Variants in DRICH1 observed in about 807,000 individuals in gnomAD.
DRICH1 encodes aspartate rich 1.
Under a neutral mutation model 39.5 loss-of-function variants are expected in DRICH1, and 38 were observed. The ratio of observed to expected loss-of-function variants is 0.96; its 90% CI spans 0.74 to 1.26. The LOEUF (loss-of-function observed/expected upper bound fraction) is 1.26, where lower values mean the gene tolerates loss of function less well. Ranked by LOEUF, DRICH1 falls within the 50% of genes most tolerant of loss-of-function variation. The pLI, the probability that DRICH1 is intolerant of heterozygous loss-of-function variation, is 0.00. For synonymous variants in DRICH1, 84 were observed against 99.5 expected (o/e 0.84, Z 0.93); for missense variants, 279 against 270.4 (o/e 1.03, Z -0.22).
chr22:23,628,556 T>G (rs1328993291), intron 1 of DRICH1, among the ~76,000 whole-genome samples: 1 of 151,982 alleles, frequency 6.6e-6, no homozygotes, highest in Non-Finnish European at 1.5e-5. Context: ...GGCAACAGAG[T>G]GAGACTCCAC....
chr22:23,603,094 C>T, the DRICH1 span, among the ~76,000 whole-genome samples: 1 of 151,506 alleles, frequency 6.6e-6, no homozygotes, highest in African/African-American at 2.4e-5. Flanking sequence ...CAACCTCCGC[C>T]TCCCAGGTTC....
rs559643993 is a variant in DRICH1, at chr22:23,617,905, A to G, written c.437-248T>C. ...GAACTAAAGCACACACTAAGGGTCA[A>G]TGGAAGAGTGCCTTCCTCCCTCTCA... On this transcript the variant is annotated intron_variant, in intron 6 of 11. Coordinates refer to ENST00000317749, the MANE Select transcript of DRICH1 (RefSeq NM_016449.4). 2.0e-5 allele frequency among the ~76,000 whole-genome samples: 3 copies of G among 152,318 alleles called. No homozygotes were observed. The East Asian group carries it at 5.8e-4, about 29-fold the overall frequency.
chr22:23,583,163 T>C, the DRICH1 span: 1 of 152,240 alleles, frequency 6.6e-6, no homozygotes, highest in Non-Finnish European at 1.5e-5. Flanking sequence ...TGGATAACGA[T>C]GGAAGATCTA....
chr22:23,585,174 G>C, the DRICH1 span, among the ~76,000 whole-genome samples: 1 of 151,308 alleles, frequency 6.6e-6, no homozygotes, highest in Admixed American at 6.6e-5. Context: ...GTCTTGCTGT[G>C]TCAGCCAAGC....
At chr22:23,610,892 A>T (rs1353799706) in intron 11 of DRICH1, among the ~76,000 whole-genome samples, 23 of 139,442 alleles carry the variant, frequency 1.6e-4, no homozygotes, top group Admixed American at 6.5e-4. Flanking sequence ...GATGGGCAAA[A>T]TTTTTTTTTT....
intron 1 of DRICH1, among the ~76,000 whole-genome samples, chr22:23,629,102 G>C (rs982087253): frequency 6.6e-6 from 1 of 152,086 alleles, no homozygotes; most frequent in Non-Finnish European, 1.5e-5. Flanking sequence ...GCAATGGCTC[G>C]ATCTCAGCTC....
chr22:23,621,086 G>C (rs1927699012), intron 4 of DRICH1, among the ~76,000 whole-genome samples: 1 of 152,120 alleles, frequency 6.6e-6, no homozygotes, highest in Non-Finnish European at 1.5e-5. Context: ...ATCAGGTGAA[G>C]GAAATAATGT....
At chr22:23,619,267 A>C in intron 6 of DRICH1, 97 bp downstream of exon 6, 1 of 731,896 alleles carries the variant, frequency 1.4e-6, no homozygotes, top group Non-Finnish European at 2.6e-6. Context: ...CTAAAAGTAA[A>C]AAACATACAA....
the DRICH1 span, among the ~76,000 whole-genome samples, chr22:23,594,772 G>C: frequency 3.3e-5 from 5 of 150,628 alleles, no homozygotes; most frequent in South Asian, 1.0e-3. Flanking sequence ...CAGAGGCTTC[G>C]TTCATCTCCA....
chr22:23,606,605 T>C (rs142620643), downstream of DRICH1, among the ~76,000 whole-genome samples: 394 of 152,226 alleles, frequency 2.6e-3, 2 homozygotes, highest in Non-Finnish European at 3.1e-3. Context: ...CTTTGAAATA[T>C]TTGGGGTGGG....
chr22:23,622,241 T>C lies in DRICH1; in HGVS notation c.299-65A>G, dbSNP rs7285987. 1.2e-5 allele frequency: 18 copies of C among 1,448,024 alleles called. No homozygotes were observed. In the African/African-American group the frequency reaches 2.0e-4, roughly 16 times the overall value. The allele number at this position is 1,448,024 out of a possible 1,614,324, so 89.7% of individuals were successfully genotyped here. ...TGTGACTGTGAGTCACTCAGGGAGC[T>C]TTGCTGGATGTGGTGTATGGAGGTG... is the stretch of plus-strand genomic sequence containing the variant. On this transcript the variant is annotated intron_variant, in intron 3 of 11. Transcript: ENST00000317749.
chr22:23,585,395 C>T, the DRICH1 span, among the ~76,000 whole-genome samples: 1 of 152,238 alleles, frequency 6.6e-6, no homozygotes, highest in Non-Finnish European at 1.5e-5. Context: ...ACTTGGCCTC[C>T]TGAAGTGCTG....
intron 1 of DRICH1, among the ~76,000 whole-genome samples, chr22:23,630,283 G>C (rs1928314507): frequency 6.6e-6 from 1 of 152,162 alleles, no homozygotes; most frequent in African/African-American, 2.4e-5. Flanking sequence ...TCCCTGGTGT[G>C]GGGTCATATA....
chr22:23,624,822 T>G, intron 3 of DRICH1, 61 bp downstream of exon 3: 27 of 1,537,792 alleles, frequency 1.8e-5, no homozygotes, highest in Middle Eastern at 1.7e-4. Flanking sequence ...AGATTAAGGT[T>G]TCTATATATT....
At chr22:23,602,994 T>A in the DRICH1 span, among the ~76,000 whole-genome samples, 1 of 150,836 alleles carries the variant, frequency 6.6e-6, no homozygotes, top group South Asian at 2.1e-4. Flanking sequence ...TTTCCCTCCA[T>A]GAACACATTT....
intron 11 of DRICH1, among the ~76,000 whole-genome samples, chr22:23,611,477 C>T (rs113206937): frequency 0.019 from 2,909 of 151,238 alleles, 81 homozygotes; most frequent in African/African-American, 0.068. Flanking sequence ...CTGCAAACTC[C>T]GCCTCCCAGG....
intron 4 of DRICH1, 114 bp from the exon 5 acceptor site, chr22:23,620,729 G>A: frequency 7.9e-7 from 1 of 1,261,814 alleles, no homozygotes; most frequent in Non-Finnish European, 1.2e-6. Context: ...AACTGTTGTT[G>A]AGTCAAGGTC....
chr22:23,615,027 GA>G (rs942545536), intron 8 of DRICH1, among the ~76,000 whole-genome samples: 4 of 152,076 alleles, frequency 2.6e-5, no homozygotes, highest in African/African-American at 7.2e-5. Context: ...ACAAATTCAT[GA>G]AAAAAAGTCC....
At chr22:23,593,521 C>T in the DRICH1 span, among the ~76,000 whole-genome samples, 1 of 152,266 alleles carries the variant, frequency 6.6e-6, no homozygotes, top group East Asian at 1.9e-4. Flanking sequence ...AAAAATTAGG[C>T]CAGGCACAGT....
Sources: allele counts gnomAD v4.1 joint callset (sites outside exome capture counted in the v4.1 genomes callset), GRCh38; gene constraint gnomAD v4.1.1; transcripts MANE v1.5; gene names NCBI Gene and HGNC (gene_info 2026-07-23, HGNC 2026-07-21).